SLC5A9: variants seen among roughly 807,000 people sequenced by gnomAD.
SLC5A9 encodes solute carrier family 5 member 9.
A neutral mutation model predicts 70.9 loss-of-function variants in SLC5A9; 59 were observed. That is an observed-to-expected ratio of 0.83 (90% CI 0.68 to 1.03). The LOEUF (loss-of-function observed/expected upper bound fraction) is 1.03. Among genes scored for constraint, SLC5A9 ranks in the 50% least tolerant of loss-of-function variants. SLC5A9 has a pLI of 0.00. For synonymous variants in SLC5A9, 340 were observed against 346.5 expected (o/e 0.98, Z 0.21); for missense variants, 832 against 881.1 (o/e 0.94, Z 0.71).
chr1:48,233,324 G>A (rs982512234), intron 8 of SLC5A9, among the ~76,000 whole-genome samples: 1 of 117,190 alleles, frequency 8.5e-6, no homozygotes, highest in East Asian at 2.9e-4. Context: ...TTGCTCCATT[G>A]CACTCTAGCC....
chr1:48,226,371 TGAGGCCTCCAAACAA>T (rs916829443), intron 2 of SLC5A9, among the ~76,000 whole-genome samples: 58 of 152,036 alleles, frequency 3.8e-4, no homozygotes, highest in African/African-American at 1.4e-3. Flanking sequence ...GTGAGGAACC[TGAGGCCTCCAAACAA>T]GAGGGAGGCC....
At chr1:48,233,203 A>C (rs1644278303) in intron 8 of SLC5A9, among the ~76,000 whole-genome samples, 1 of 151,936 alleles carries the variant, frequency 6.6e-6, no homozygotes. Context: ...TCTACTAAAA[A>C]TACAAAAATT....
At chr1:48,228,704 T>A (rs1644199812) in intron 2 of SLC5A9, 146 bp from the exon 3 acceptor site, 1 of 1,316,164 alleles carries the variant, frequency 7.6e-7, no homozygotes, top group Non-Finnish European at 1.0e-6. Flanking sequence ...TGCGGATATC[T>A]GTGGAATTAA....
intron 7 of SLC5A9, 58 bp downstream of exon 7, chr1:48,232,209 A>G: frequency 6.4e-7 from 1 of 1,573,734 alleles, no homozygotes; most frequent in Non-Finnish European, 8.6e-7. Context: ...CTTCCTGCAG[A>G]AAAACCCAGT....
At position 48,247,923 on chromosome 1, in the gene SLC5A9, T is replaced by C. The variant is rs1259721098; in HGVS notation, c.*380T>C. ...TACAAGAAAAGGAGCAGGAAGAAAT[T>C]TGCAAAAATCCAAGAGCACCTTTGC... On this transcript the variant is annotated 3_prime_UTR_variant, in exon 14 of 14. Coordinates refer to ENST00000438567, the MANE Select transcript of SLC5A9 (RefSeq NM_001011547.3). 2 of 211,146 alleles carry C rather than the reference T, an allele frequency of 9.5e-6. No individual in the cohort carries two copies. The highest frequency in any genetic ancestry group is 9.5e-5 in the South Asian group (1 of 10,526). The allele number at this position is 211,146 out of a possible 1,614,324, so 13.1% of individuals were successfully genotyped here. A position where few individuals can be genotyped will look rare whatever the true frequency, so the allele number is the denominator to read the frequency against.
intron 13 of SLC5A9, among the ~76,000 whole-genome samples, chr1:48,245,172 C>T (rs11205461): frequency 6.6e-6 from 1 of 150,988 alleles, no homozygotes; most frequent in Non-Finnish European, 1.5e-5. Context: ...AGAAAGCAAT[C>T]TGAGAGCATG....
At chr1:48,238,765 C>T (rs1005538) in intron 11 of SLC5A9, among the ~76,000 whole-genome samples, 1 of 151,880 alleles carries the variant, frequency 6.6e-6, no homozygotes, top group Non-Finnish European at 1.5e-5. Flanking sequence ...ATCTCCCATA[C>T]TCTTACATGC....
chr1:48,229,553 G>C (rs1255670063), intron 4 of SLC5A9, 94 bp downstream of exon 4: 1 of 1,547,426 alleles, frequency 6.5e-7, no homozygotes, highest in Non-Finnish European at 8.7e-7. Flanking sequence ...AGGGGAAGCT[G>C]ACAATCACTG....
At chr1:48,228,689 C>G (rs973009967) in intron 2 of SLC5A9, 161 bp from the exon 3 acceptor site, 86 of 1,202,638 alleles carry the variant, frequency 7.2e-5, no homozygotes, top group Non-Finnish European at 9.1e-5. Flanking sequence ...ACTAATACCC[C>G]TCCCTGCGGA....
chr1:48,229,022 G>A (rs1557469272), intron 3 of SLC5A9, 68 bp downstream of exon 3: 2 of 1,613,574 alleles, frequency 1.2e-6, no homozygotes, highest in East Asian at 2.2e-5. Flanking sequence ...TGGCATTAGT[G>A]CTGGGAGGAT....
chr1:48,247,861 T>C lies in SLC5A9; in HGVS notation c.*318T>C, dbSNP rs1644477134. The C allele has an allele frequency of 3.0e-6, 1 of 332,692 alleles. No homozygotes were observed. The allele number at this position is 332,692 out of a possible 1,614,324, so 20.6% of individuals were successfully genotyped here. Reference sequence around the variant, plus strand: ...CTTCTTGAATGTATTCAGTAGCCTTTACTGAATGTGTGTCTTGAGAGTAGA... The same window carrying C: ...CTTCTTGAATGTATTCAGTAGCCTTCACTGAATGTGTGTCTTGAGAGTAGA... On this transcript the variant is annotated 3_prime_UTR_variant, in exon 14 of 14. Coordinates refer to ENST00000438567, the MANE Select transcript of SLC5A9 (RefSeq NM_001011547.3).
chr1:48,239,135 T>C lies in SLC5A9; in HGVS notation c.1462-187T>C, dbSNP rs1374485817. On this transcript the variant is annotated intron_variant, in intron 11 of 13. Transcript: ENST00000438567. The surrounding 1 kb of genome is among the most constrained non-coding windows in gnomAD (Gnocchi z 4.2). ...AGTCTACCTGACTCTAGAGCCCCTA[T>C]TCCACTGTGCCTTTAAGTCAAGACG... Among the ~76,000 whole-genome samples the C allele has an allele frequency of 6.6e-6, 1 of 152,234 alleles. No homozygotes were observed. Among genetic ancestry groups the C allele is most frequent in the Non-Finnish European group, 1.5e-5 (1 of 68,042 alleles).
intron 11 of SLC5A9, chr1:48,238,481 G>A (rs1329973988): frequency 6.6e-6 from 1 of 152,276 alleles, no homozygotes; most frequent in African/African-American, 2.4e-5. Context: ...CCCAGGGCTG[G>A]AGCCTTGGTT....
Position 48,242,664 on chromosome 1 carries a change from G to T in SLC5A9, c.1837+48G>T, listed in dbSNP as rs540244720. On this transcript the variant is annotated intron_variant, in intron 13 of 13. Coordinates refer to ENST00000438567, the MANE Select transcript of SLC5A9 (RefSeq NM_001011547.3). ...ATACTCATCACAGAGGAACAGGGGG[G>T]ACAGACCTATGTCATGGGCGGTCTT... 28 of 1,537,292 alleles carry T rather than the reference G, an allele frequency of 1.8e-5. No individual in the cohort carries two copies. In the African/African-American group the frequency reaches 2.5e-4, roughly 14 times the overall value.
At chr1:48,241,419 C>A (rs1644388961) in intron 12 of SLC5A9, among the ~76,000 whole-genome samples, 1 of 152,166 alleles carries the variant, frequency 6.6e-6, no homozygotes, top group Non-Finnish European at 1.5e-5. Context: ...CATGCTTGGG[C>A]CCAGCACAGT....
chr1:48,237,511 C>CTAAG lies in SLC5A9; in HGVS notation c.1293-166_1293-163dup, dbSNP rs1460337345. Among the ~76,000 whole-genome samples the CTAAG allele has an allele frequency of 2.0e-5, 3 of 152,140 alleles. No individual in the cohort carries two copies. The East Asian group carries it at 5.8e-4, about 29-fold the overall frequency. On this transcript the variant is annotated intron_variant, in intron 10 of 13. Coordinates refer to ENST00000438567, the MANE Select transcript of SLC5A9 (RefSeq NM_001011547.3). ...ATTCCTATATTCTGGGATTTTAAGA[C>CTAAG]TAAGTTTCTGAATCTTAGTATTTGA...
intron 5 of SLC5A9, among the ~76,000 whole-genome samples, 172 bp from the exon 6 acceptor site, chr1:48,231,373 G>C (rs1010550545): frequency 6.6e-6 from 1 of 152,198 alleles, no homozygotes; most frequent in Non-Finnish European, 1.5e-5. Flanking sequence ...GCATCCTGCC[G>C]GGGAGGGAGA....
At chr1:48,225,684 C>T (rs1238486336) in intron 2 of SLC5A9, among the ~76,000 whole-genome samples, 1 of 152,008 alleles carries the variant, frequency 6.6e-6, no homozygotes. Context: ...ACAAAGGCAC[C>T]CACACATGTT....
chr1:48,226,165 A>G (rs559894160), intron 2 of SLC5A9, among the ~76,000 whole-genome samples: 1 of 152,200 alleles, frequency 6.6e-6, no homozygotes. Flanking sequence ...CCACCTTCTC[A>G]TCAGGAAAAA....
Sources: gnomAD v4.1 joint callset for allele counts (sites outside exome capture counted in the v4.1 genomes callset) on GRCh38, gnomAD v4.1.1 for gene constraint, Gnocchi (gnomAD v3.1) non-coding constraint, MANE v1.5 for transcripts, NCBI Gene and HGNC (gene_info 2026-07-23, HGNC 2026-07-21) for gene names.